ZPBP: variants seen among roughly 807,000 people sequenced by gnomAD.
ZPBP encodes zona pellucida-binding protein 1.
In ZPBP, 26 loss-of-function variants were observed where a neutral mutation model predicts 44.8. The observed-to-expected ratio is 0.58, with a 90% CI of 0.43 to 0.81. The LOEUF (loss-of-function observed/expected upper bound fraction) is 0.81. Ranked by LOEUF, ZPBP falls within the 30% of genes least tolerant of loss-of-function variation. ZPBP has a pLI of 0.00. For missense variants in ZPBP, 409 were observed against 434.0 expected, an observed-to-expected ratio of 0.94 and a Z score of 0.51; for synonymous variants, 174 against 153.2, an observed-to-expected ratio of 1.14 and a Z score of -1.00.
At chr7:50,048,236 A>G (rs1199150923) in intron 4 of ZPBP, among the ~76,000 whole-genome samples, 1 of 152,142 alleles carries the variant, frequency 6.6e-6, no homozygotes, top group Non-Finnish European at 1.5e-5. Context: ...TTATAAACAT[A>G]CAGATATTAA....
intron 2 of ZPBP, among the ~76,000 whole-genome samples, chr7:49,857,333 G>A (rs961143466): frequency 2.0e-5 from 3 of 152,116 alleles, no homozygotes; most frequent in African/African-American, 7.2e-5. Flanking sequence ...TGTCCTCAAG[G>A]TTCCTCTGTG....
intron 1 of ZPBP, among the ~76,000 whole-genome samples, chr7:49,901,919 A>G (rs1392374976): frequency 6.6e-6 from 1 of 151,946 alleles, no homozygotes; most frequent in Non-Finnish European, 1.5e-5. Flanking sequence ...TAACAGAGTA[A>G]ACATAGTACA....
At chr7:50,061,751 G>T (rs1911748) in intron 3 of ZPBP, among the ~76,000 whole-genome samples, 14 of 151,988 alleles carry the variant, frequency 9.2e-5, no homozygotes, top group Non-Finnish European at 1.6e-4. Flanking sequence ...AATTACAAGC[G>T]GCCAGAAAGA....
intron 5 of ZPBP, among the ~76,000 whole-genome samples, chr7:50,030,645 A>G (rs1799564367): frequency 6.6e-6 from 1 of 150,760 alleles, no homozygotes; most frequent in African/African-American, 2.5e-5. Flanking sequence ...ACCATTATAA[A>G]TATAAAGATA....
chr7:49,851,935 GT>G (rs1790195940), intron 2 of ZPBP, among the ~76,000 whole-genome samples: 1 of 152,132 alleles, frequency 6.6e-6, no homozygotes, highest in Non-Finnish European at 1.5e-5. Flanking sequence ...CTAAAGTTCA[GT>G]GGGCTCTTTC....
Position 50,089,676 on chromosome 7 carries a change from C to T in ZPBP, c.161G>A (p.Arg54His), listed in dbSNP as rs758513381. 5.0e-6 allele frequency: 8 copies of T among 1,611,264 alleles called. No individual in the cohort carries two copies. In the African/African-American group the frequency reaches 5.4e-5, roughly 11 times the overall value. Residue 54 changes from arginine to histidine, a missense_variant, in exon 2 of 8, where the codon CGC becomes CAC. Physicochemically the swap from Arg to His is conservative, Grantham distance 29 (BLOSUM62 0). Coordinates refer to ENST00000046087, the MANE Select transcript of ZPBP (RefSeq NM_007009.3). ...TATTTTCACTGAATCTTTGGTCAAG[C>T]GAAAAGCTCTTGGTAATCGAACCAA... ...GHLVRLPRAF[R>H]LTKDSVKIVG...
intron 2 of ZPBP, among the ~76,000 whole-genome samples, chr7:49,898,656 A>G (rs1378007510): frequency 6.6e-6 from 1 of 152,104 alleles, no homozygotes; most frequent in Non-Finnish European, 1.5e-5. Flanking sequence ...CATAACCTAC[A>G]TAAGCTTATG....
intron 2 of ZPBP, among the ~76,000 whole-genome samples, chr7:49,866,907 G>A (rs1171661539): frequency 1.3e-5 from 2 of 152,198 alleles, no homozygotes; most frequent in African/African-American, 4.8e-5. Flanking sequence ...TGGAGCAGCA[G>A]CACAGCAAAG....
chr7:49,909,350 A>G (rs538972819), intron 1 of ZPBP, among the ~76,000 whole-genome samples: 683 of 65,270 alleles, frequency 0.01, 3 homozygotes, highest in African/African-American at 0.041. Flanking sequence ...TGCCAAAGAC[A>G]GCTCGAGCCA....
At chr7:49,887,621 T>C (rs142194889) in intron 2 of ZPBP, among the ~76,000 whole-genome samples, 6 of 152,168 alleles carry the variant, frequency 3.9e-5, no homozygotes, top group African/African-American at 1.4e-4. Context: ...TTTCCATTTG[T>C]ACAGGATTCA....
chr7:50,003,867 CA>C (rs2128796272), intron 6 of ZPBP, among the ~76,000 whole-genome samples: 1 of 152,092 alleles, frequency 6.6e-6, no homozygotes, highest in South Asian at 2.1e-4. Context: ...CTTCAGAAAC[CA>C]ACCCTAAAAA....
At chr7:50,059,573 A>C (rs138155066) in intron 3 of ZPBP, among the ~76,000 whole-genome samples, 93 of 152,322 alleles carry the variant, frequency 6.1e-4, no homozygotes, top group African/African-American at 2.1e-3. Flanking sequence ...GCAAGAGTTC[A>C]CTATGTATTT....
chr7:49,850,109 A>T (rs1279819901), downstream of ZPBP, among the ~76,000 whole-genome samples: 1 of 152,194 alleles, frequency 6.6e-6, no homozygotes, highest in African/African-American at 2.4e-5. Context: ...CAAGCCTAGC[A>T]CATAGCATGG....
chr7:49,845,118 G>A, the ZPBP span, among the ~76,000 whole-genome samples: 3 of 152,220 alleles, frequency 2.0e-5, no homozygotes, highest in South Asian at 2.1e-4. Flanking sequence ...CAACACACAC[G>A]GGGCCTGTCA....
chr7:49,907,871 A>ATAGT (rs1793189586), intron 1 of ZPBP, among the ~76,000 whole-genome samples: 1 of 152,176 alleles, frequency 6.6e-6, no homozygotes, highest in Non-Finnish European at 1.5e-5. Flanking sequence ...TGTGGAGACC[A>ATAGT]TAGTTTTGTC....
At chr7:49,853,468 T>C (rs539701285) in intron 2 of ZPBP, among the ~76,000 whole-genome samples, 1 of 152,144 alleles carries the variant, frequency 6.6e-6, no homozygotes, top group South Asian at 2.1e-4. Flanking sequence ...CCAAACCCCA[T>C]CTCTGCCCTC....
At chr7:49,986,100 T>C (rs1797267582) in intron 6 of ZPBP, among the ~76,000 whole-genome samples, 1 of 152,204 alleles carries the variant, frequency 6.6e-6, no homozygotes, top group South Asian at 2.1e-4. Flanking sequence ...GAGCAAAATA[T>C]CTTGCATCAT....
intron 3 of ZPBP, among the ~76,000 whole-genome samples, chr7:50,060,640 G>A (rs752250769): frequency 6.6e-6 from 1 of 152,084 alleles, no homozygotes; most frequent in South Asian, 2.1e-4. Context: ...GAACAGACCA[G>A]AGTAAGTTCT....
intron 4 of ZPBP, among the ~76,000 whole-genome samples, chr7:50,039,810 T>C (rs1335182752): frequency 6.6e-6 from 1 of 152,166 alleles, no homozygotes; most frequent in Non-Finnish European, 1.5e-5. Flanking sequence ...TTGTTTAGTT[T>C]GTAACATTTA....
Sources: gnomAD v4.1 joint callset for allele counts (sites outside exome capture counted in the v4.1 genomes callset) on GRCh38, gnomAD v4.1.1 for gene constraint, MANE v1.5 for transcripts, NCBI Gene and HGNC (gene_info 2026-07-23, HGNC 2026-07-21) for gene names.